RPH3AL: variants seen among roughly 807,000 people sequenced by gnomAD.
RPH3AL encodes the protein rabphilin 3A like (without C2 domains), also known as rab effector Noc2.
In RPH3AL, 38 loss-of-function variants were observed where a neutral mutation model predicts 43.1. That is an observed-to-expected ratio of 0.88 (90% CI 0.68 to 1.15). The LOEUF is 1.15. Ranked by LOEUF, RPH3AL falls within the 50% of genes most tolerant of loss-of-function variation. The pLI is 0.00. For synonymous variants in RPH3AL, 189 were observed against 176.3 expected, an observed-to-expected ratio of 1.07 and a Z score of -0.57; for missense variants, 462 against 423.2, an observed-to-expected ratio of 1.09 and a Z score of -0.81.
intron 6 of RPH3AL, among the ~76,000 whole-genome samples, chr17:273,072 G>T (rs62052697): frequency 4.1e-3 from 457 of 111,882 alleles, no homozygotes; most frequent in African/African-American, 6.5e-3. Context: ...CGAGGGCGAC[G>T]TCAGGGAGAG....
rs1279132776 is a variant in RPH3AL at position 245,903 on chromosome 17, G to C, written c.613+1208C>G. Among the ~76,000 whole-genome samples the C allele has an allele frequency of 6.6e-6, 1 of 152,128 alleles. No homozygotes were observed. The highest frequency in any genetic ancestry group is 1.5e-5 in the Non-Finnish European group (1 of 68,026). On this transcript the variant is annotated intron_variant, in intron 7 of 9. Coordinates refer to ENST00000331302, the MANE Select transcript of RPH3AL (RefSeq NM_006987.4). The surrounding 1 kb of genome is among the most constrained non-coding windows in gnomAD (Gnocchi z 5.9). ...GTCTGTCCGTGGCAGCGATGTCGGG[G>C]GTGAACTCATAGGCAGCAGAGGTGT...
chr17:295,191 T>G (rs1305330183), intron 5 of RPH3AL, among the ~76,000 whole-genome samples: 2 of 93,694 alleles, frequency 2.1e-5, no homozygotes, highest in African/African-American at 4.3e-5. Context: ...CAGAAATGGA[T>G]GGACAGAGGG....
intron 4 of RPH3AL, among the ~76,000 whole-genome samples, chr17:319,866 G>A (rs904621388): frequency 2.5e-5 from 2 of 81,232 alleles, no homozygotes; most frequent in Non-Finnish European, 4.7e-5. Flanking sequence ...TTCAGATAGA[G>A]AGCAGCGCTA....
intron 6 of RPH3AL, among the ~76,000 whole-genome samples, chr17:262,335 C>T (rs1567594865): frequency 6.6e-6 from 1 of 152,108 alleles, no homozygotes; most frequent in African/African-American, 2.4e-5. Flanking sequence ...TCTGCCTCAG[C>T]CTCCTGAGTA....
chr17:262,473 CA>C, intron 6 of RPH3AL, among the ~76,000 whole-genome samples: 1 of 152,254 alleles, frequency 6.6e-6, no homozygotes. Context: ...CTCGGCCTCC[CA>C]AAGTGCTGGG....
intron 7 of RPH3AL, among the ~76,000 whole-genome samples, chr17:243,109 C>T (rs1345269356): frequency 7.1e-6 from 1 of 140,534 alleles, no homozygotes; most frequent in Non-Finnish European, 1.6e-5. Context: ...CTACTGATTA[C>T]CTTCCTCTAC....
intron 6 of RPH3AL, among the ~76,000 whole-genome samples, chr17:267,001 C>T (rs1473113366): frequency 6.6e-6 from 1 of 152,228 alleles, no homozygotes; most frequent in African/African-American, 2.4e-5. Context: ...CCTTGTAGCC[C>T]AGCCTCGGGG....
intron 6 of RPH3AL, among the ~76,000 whole-genome samples, chr17:279,438 C>T (rs1023860761): frequency 2.0e-5 from 3 of 152,142 alleles, no homozygotes; most frequent in Non-Finnish European, 2.9e-5. Flanking sequence ...GCGTAATGCA[C>T]AGCCTCATAT....
chr17:314,774 C>CTGTAGT, intron 5 of RPH3AL, among the ~76,000 whole-genome samples: 1 of 120,100 alleles, frequency 8.3e-6, no homozygotes, highest in East Asian at 2.5e-4. Context: ...TCTCTGTGAC[C>CTGTAGT]CCACCTCCAT....
intron 5 of RPH3AL, among the ~76,000 whole-genome samples, chr17:311,262 C>T (rs1454301528): frequency 6.6e-6 from 1 of 152,200 alleles, no homozygotes; most frequent in African/African-American, 2.4e-5. Flanking sequence ...GTTCCTAAGT[C>T]GAATCTGCCA....
chr17:314,847 A>G (rs1598087247), intron 5 of RPH3AL, among the ~76,000 whole-genome samples: 4 of 149,136 alleles, frequency 2.7e-5, no homozygotes, highest in Admixed American at 6.6e-5. Context: ...ACCTCCATTG[A>G]CCTGTAGTCC....
intron 6 of RPH3AL, among the ~76,000 whole-genome samples, chr17:255,875 G>A (rs376538297): frequency 1.5e-4 from 9 of 60,896 alleles, no homozygotes; most frequent in Admixed American, 3.6e-4. Flanking sequence ...GTCCTGTTCC[G>A]TCCCTAGGAA....
chr17:298,704 C>A (rs199726160), intron 5 of RPH3AL, among the ~76,000 whole-genome samples: 24 of 36,324 alleles, frequency 6.6e-4, no homozygotes, highest in South Asian at 1.3e-3. Context: ...GATGTTATCT[C>A]AAAAAAAAAA....
In RPH3AL at chr17:319,559, A is replaced by G. The variant is rs571563640; in HGVS notation, c.222-10T>C. On this transcript the variant is annotated splice_polypyrimidine_tract_variant and intron_variant, in intron 4 of 9. Transcript: ENST00000331302. ...CCGCTCCACCAGCCGCCTGCAGCACAGGACACAGAGTCAGAGGGACTGTGC... is the reference window on the plus strand; with the variant it reads ...CCGCTCCACCAGCCGCCTGCAGCACGGGACACAGAGTCAGAGGGACTGTGC... 6.2e-6 allele frequency: 10 copies of G among 1,609,796 alleles called. No individual in the cohort carries two copies. Among genetic ancestry groups the G allele is most frequent in the Middle Eastern group, 1.7e-4 (1 of 6,056 alleles).
rs139325741 is a variant in RPH3AL, at chr17:237,815, G to A, written c.613+9296C>T. ...TCTGAACACTGGCTTCAGGCCCCTG[G>A]TGTCAGGCGCTCAGTCACAATTGAG... On this transcript the variant is annotated intron_variant, in intron 7 of 9. Transcript: ENST00000331302. Among the ~76,000 whole-genome samples, 409 of 152,290 alleles carry A rather than the reference G, an allele frequency of 2.7e-3. 1 individual carries two copies. The highest frequency in any genetic ancestry group is 9.5e-3 in the African/African-American group (393 of 41,554).
rs942023372 is a variant in RPH3AL at position 290,745 on chromosome 17, G to A, written c.352-8891C>T. On this transcript the variant is annotated intron_variant, in intron 5 of 9. Transcript: ENST00000331302. The surrounding 1 kb of genome is among the most constrained non-coding windows in gnomAD (Gnocchi z 4.2). ...CTCCCGCAGATCAGAAGACGGGAAG[G>A]GGCTTAGTGCCAATGTAGGGGGAGG... 3.9e-5 allele frequency among the ~76,000 whole-genome samples: 6 copies of A among 152,176 alleles called. No homozygotes were observed. The highest frequency in any genetic ancestry group is 7.2e-5 in the African/African-American group (3 of 41,444).
At chr17:343,647 G>A (rs77221343) in intron 1 of RPH3AL, among the ~76,000 whole-genome samples, 2,752 of 152,312 alleles carry the variant, frequency 0.018, 71 homozygotes, top group African/African-American at 0.062. Context: ...TCAACCGGTG[G>A]TTCTGAATCG....
rs72806034 is a variant in RPH3AL, at chr17:290,193, G to A, written c.352-8339C>T. On this transcript the variant is annotated intron_variant, in intron 5 of 9. Coordinates refer to ENST00000331302, the MANE Select transcript of RPH3AL (RefSeq NM_006987.4). The surrounding 1 kb of genome is among the most constrained non-coding windows in gnomAD (Gnocchi z 4.2). The stretch of plus-strand genomic sequence containing the variant: ...CGTGAAGGCACTCGCTCAGCGACAC[G>A]AGGCAGGGTCCAATCACGTCCACAT... 1.5e-3 allele frequency among the ~76,000 whole-genome samples: 233 copies of A among 152,372 alleles called. 1 individual carries two copies. Among genetic ancestry groups the A allele is most frequent in the Non-Finnish European group, 2.8e-3 (193 of 68,036 alleles).
chr17:321,717 C>T (rs555228341), intron 3 of RPH3AL: 268 of 356,766 alleles, frequency 7.5e-4, no homozygotes, highest in African/African-American at 4.9e-3. Context: ...GCAACAGAGA[C>T]GGCCCAGGTG....
Sources: allele counts gnomAD v4.1 joint callset (sites outside exome capture counted in the v4.1 genomes callset), GRCh38; gene constraint gnomAD v4.1.1; non-coding constraint Gnocchi (gnomAD v3.1); transcripts MANE v1.5; gene names NCBI Gene and HGNC (gene_info 2026-07-23, HGNC 2026-07-21).